Variants in SNTG2 observed in about 807,000 individuals in gnomAD.
The protein encoded by SNTG2 is syntrophin gamma 2.
SNTG2 carries 74 observed loss-of-function variants against 70.9 expected under a neutral mutation model. That is an observed-to-expected ratio of 1.04 (90% CI 0.86 to 1.27). The LOEUF (loss-of-function observed/expected upper bound fraction) is 1.27. SNTG2 is among the 50% of genes most tolerant of loss of function. The pLI, the probability that SNTG2 is intolerant of heterozygous loss-of-function variation, is 0.00. For synonymous variants in SNTG2, 278 were observed against 273.8 expected, an observed-to-expected ratio of 1.02 and a Z score of -0.15; for missense variants, 717 against 690.7, an observed-to-expected ratio of 1.04 and a Z score of -0.43.
rs187248856 is a variant in SNTG2 at position 1,124,836 on chromosome 2, G to A, written c.326-12786G>A. On this transcript the variant is annotated intron_variant, in intron 4 of 16. Coordinates refer to ENST00000308624, the MANE Select transcript of SNTG2 (RefSeq NM_018968.4). ...GCTGGAGGTCAGAGGATGCAAAGCC[G>A]TGCACAAGTAGGCGAGCGAGTTGAG... 6.6e-5 allele frequency among the ~76,000 whole-genome samples: 10 copies of A among 152,272 alleles called. No individual in the cohort carries two copies. The East Asian group carries it at 1.9e-3, about 29-fold the overall frequency.
At position 965,365 on chromosome 2, in the gene SNTG2, C is replaced by T. The variant is rs542027720; in HGVS notation, c.72+14297C>T. On this transcript the variant is annotated intron_variant, in intron 1 of 16. Transcript: ENST00000308624. ...TGGTCCCCAGTCCTCCTCCTGGTCC[C>T]CAATCCTCCTCCTGGTCCCCAGTCC... 1.0e-3 allele frequency among the ~76,000 whole-genome samples: 134 copies of T among 128,318 alleles called. 2 individuals are homozygous for T. The highest frequency in any genetic ancestry group is 1.6e-3 in the Non-Finnish European group (95 of 59,240). The allele number at this position is 128,318 out of a possible 152,430, so 84.2% of individuals were successfully genotyped here.
In SNTG2 at chr2:1,203,673, A is replaced by AAATATATATATAT. The variant is rs1451954919; in HGVS notation, c.592-5429_592-5428insATATATATATATA. Among the ~76,000 whole-genome samples, 408 of 115,412 alleles carry AAATATATATATAT rather than the reference A, an allele frequency of 3.5e-3. 3 individuals carry two copies. The highest frequency in any genetic ancestry group is 0.012 in the African/African-American group (374 of 31,122). The allele number at this position is 115,412 out of a possible 152,430, so 75.7% of individuals were successfully genotyped here. A position where few individuals can be genotyped will look rare whatever the true frequency, so the allele number is the denominator to read the frequency against. ...TGTCTCAAAAACAAACAAAAAAAAA[A>AAATATATATATAT]ATATATATATATATATATGTGTGTG... On this transcript the variant is annotated intron_variant, in intron 8 of 16. Coordinates refer to ENST00000308624, the MANE Select transcript of SNTG2 (RefSeq NM_018968.4).
intron 1 of SNTG2, among the ~76,000 whole-genome samples, chr2:986,459 A>G (rs1220555905): frequency 5.9e-5 from 9 of 152,232 alleles, no homozygotes; most frequent in Admixed American, 3.9e-4. Context: ...CCTAAATAGG[A>G]CTTCCCATGT....
At chr2:1,232,015 G>A (rs1676285986) in intron 9 of SNTG2, among the ~76,000 whole-genome samples, 1 of 152,158 alleles carries the variant, frequency 6.6e-6, no homozygotes, top group Non-Finnish European at 1.5e-5. Context: ...CCATAGGGAG[G>A]CCTTCAGGGA....
chr2:1,016,195 G>T (rs529612005), intron 1 of SNTG2, among the ~76,000 whole-genome samples: 1 of 151,966 alleles, frequency 6.6e-6, no homozygotes, highest in African/African-American at 2.4e-5. Flanking sequence ...TATAACTGTT[G>T]TCAACAAGTA....
intron 8 of SNTG2, among the ~76,000 whole-genome samples, chr2:1,206,956 C>A (rs926301692): frequency 1.3e-5 from 2 of 152,162 alleles, no homozygotes. Flanking sequence ...GAATCAGCAA[C>A]AAGGGGTACA....
intron 1 of SNTG2, among the ~76,000 whole-genome samples, chr2:1,012,135 ACAAT>A (rs925908264): frequency 9.8e-5 from 15 of 152,330 alleles, no homozygotes; most frequent in African/African-American, 2.6e-4. Context: ...CTTCTCCCTG[ACAAT>A]CAATACGAGC....
At chr2:998,682 A>G (rs1330621215) in intron 1 of SNTG2, among the ~76,000 whole-genome samples, 2 of 152,078 alleles carry the variant, frequency 1.3e-5, no homozygotes, top group African/African-American at 4.8e-5. Context: ...TTCCTGAGGA[A>G]GAAGAAAAAG....
intron 1 of SNTG2, among the ~76,000 whole-genome samples, chr2:1,049,506 T>C (rs1661934080): frequency 6.6e-6 from 1 of 152,238 alleles, no homozygotes; most frequent in South Asian, 2.1e-4. Context: ...TTTGTTTTAA[T>C]GCTAAATCGT....
intron 14 of SNTG2, among the ~76,000 whole-genome samples, chr2:1,272,623 T>C (rs1679090833): frequency 6.7e-6 from 1 of 149,894 alleles, no homozygotes; most frequent in South Asian, 2.1e-4. Flanking sequence ...AGGGAACAGG[T>C]GTAGAAAGGA....
At chr2:1,281,896 C>T (rs564559056) in intron 14 of SNTG2, among the ~76,000 whole-genome samples, 1 of 152,130 alleles carries the variant, frequency 6.6e-6, no homozygotes, top group Non-Finnish European at 1.5e-5. Context: ...ACTGCACCCC[C>T]GTCCGTGTCT....
chr2:1,250,946 T>C (rs187875656), intron 12 of SNTG2, among the ~76,000 whole-genome samples: 15 of 152,342 alleles, frequency 9.8e-5, no homozygotes, highest in Admixed American at 7.2e-4. Flanking sequence ...TCCTAGAACA[T>C]GATTGTTTTC....
intron 1 of SNTG2, among the ~76,000 whole-genome samples, chr2:1,012,894 G>C (rs1348890197): frequency 5.3e-5 from 3 of 56,840 alleles, no homozygotes; most frequent in Non-Finnish European, 1.2e-4. Context: ...AGGGCAGAGA[G>C]AAGGGTGGTC....
At chr2:1,153,394 G>A (rs1462891383) in intron 6 of SNTG2, among the ~76,000 whole-genome samples, 1 of 152,200 alleles carries the variant, frequency 6.6e-6, no homozygotes, top group Non-Finnish European at 1.5e-5. Flanking sequence ...TTTAAAATAT[G>A]TGAAGGAAAA....
At chr2:1,241,482 A>G (rs902510808) in intron 11 of SNTG2, among the ~76,000 whole-genome samples, 1 of 151,942 alleles carries the variant, frequency 6.6e-6, no homozygotes, top group Non-Finnish European at 1.5e-5. Flanking sequence ...TTTTATTATT[A>G]TTATTATACT....
chr2:1,101,288 G>C (rs539281719), intron 4 of SNTG2, among the ~76,000 whole-genome samples: 1 of 152,130 alleles, frequency 6.6e-6, no homozygotes, highest in Non-Finnish European at 1.5e-5. Flanking sequence ...CCAGGCCCAC[G>C]ACCTCAGCAG....
intron 16 of SNTG2, among the ~76,000 whole-genome samples, chr2:1,362,985 G>A (rs1458823248): frequency 6.6e-6 from 1 of 151,952 alleles, no homozygotes; most frequent in Non-Finnish European, 1.5e-5. Flanking sequence ...GAGCATTTCA[G>A]TAGAATTTCC....
intron 2 of SNTG2, among the ~76,000 whole-genome samples, chr2:1,089,795 T>G (rs1664905278): frequency 1.3e-5 from 2 of 152,234 alleles, no homozygotes; most frequent in African/African-American, 2.4e-5. Context: ...AACATTTTTA[T>G]TTTTTTAAGT....
chr2:1,127,339 C>T (rs777917873), intron 4 of SNTG2, among the ~76,000 whole-genome samples: 8 of 151,998 alleles, frequency 5.3e-5, no homozygotes, highest in Admixed American at 1.3e-4. Context: ...TTTGCCTGTA[C>T]CACGTTGCTT....
Sources: allele counts gnomAD v4.1 joint callset (sites outside exome capture counted in the v4.1 genomes callset), GRCh38; gene constraint gnomAD v4.1.1; transcripts MANE v1.5; gene names NCBI Gene and HGNC (gene_info 2026-07-23, HGNC 2026-07-21).